Variants in EYA4 observed in about 807,000 individuals in gnomAD.
EYA4 encodes EYA transcriptional coactivator and phosphatase 4, also known as protein phosphatase EYA4.
In EYA4, 31 loss-of-function variants were observed where a neutral mutation model predicts 87.9. That is an observed-to-expected ratio of 0.35 (90% confidence interval 0.27 to 0.48). The LOEUF is 0.48. EYA4 is among the 20% of genes least tolerant of loss of function. The pLI is 0.99. For missense variants in EYA4, 678 were observed against 761.4 expected (o/e 0.89, Z 1.29); for synonymous variants, 263 against 270.6 (o/e 0.97, Z 0.28).
At chr6:133,460,336 C>T (rs1362060680) in intron 6 of EYA4, among the ~76,000 whole-genome samples, 1 of 149,162 alleles carries the variant, frequency 6.7e-6, no homozygotes, top group African/African-American at 2.6e-5. Context: ...AAACATCTGT[C>T]TTAGTCAAGG....
At chr6:133,402,151 A>G (rs888105666) in intron 3 of EYA4, among the ~76,000 whole-genome samples, 5 of 152,144 alleles carry the variant, frequency 3.3e-5, no homozygotes, top group African/African-American at 4.8e-5. Context: ...ATATGATTCT[A>G]GGGACACAGA....
At position 133,477,007 on chromosome 6, in the gene EYA4, C is replaced by T. The variant is rs181466473; in HGVS notation, c.971-4456C>T. On this transcript the variant is annotated intron_variant, in intron 11 of 19. Transcript: ENST00000355286. ...TCTCATGAAATCTGACAGTTTTATA[C>T]ATGTTTGGTAGTTCCTTCTGCTTTC... Among the ~76,000 whole-genome samples, 781 of 148,794 alleles carry T rather than the reference C, an allele frequency of 5.2e-3. 2 individuals are homozygous for T. Among genetic ancestry groups the T allele is most frequent in the Admixed American group, 0.01 (148 of 14,712 alleles).
intron 1 of EYA4, among the ~76,000 whole-genome samples, chr6:133,272,380 C>T (rs1366563840): frequency 1.3e-5 from 2 of 152,200 alleles, no homozygotes; most frequent in Admixed American, 1.3e-4. Flanking sequence ...CTTGTGCCTT[C>T]AGGACCTGCT....
At chr6:133,251,755 A>G (rs1774921239) in intron 1 of EYA4, among the ~76,000 whole-genome samples, 1 of 152,122 alleles carries the variant, frequency 6.6e-6, no homozygotes, top group Non-Finnish European at 1.5e-5. Context: ...TTGTCAGGTG[A>G]TCTCTGGGAG....
chr6:133,361,505 G>T (rs888086938), intron 2 of EYA4, among the ~76,000 whole-genome samples: 2 of 152,204 alleles, frequency 1.3e-5, no homozygotes, highest in Non-Finnish European at 2.9e-5. Context: ...GTCTCTGACC[G>T]AGAAGTCTTG....
Position 133,528,844 on chromosome 6 carries a change from A to T in EYA4, c.*39A>T. On this transcript the variant is annotated 3_prime_UTR_variant, in exon 20 of 20. Transcript: ENST00000355286. Reference sequence around the variant, plus strand: ...CCGGAGATCCATTTTTTATATTTCAAGTACACTGAATTTTTATGTGTGATT... The same window carrying T: ...CCGGAGATCCATTTTTTATATTTCATGTACACTGAATTTTTATGTGTGATT... The T allele has an allele frequency of 6.2e-7, 1 of 1,611,998 alleles. No individual in the cohort carries two copies. Among genetic ancestry groups the T allele is most frequent in the Admixed American group, 1.7e-5 (1 of 59,946 alleles).
At chr6:133,353,711 C>G (rs1272576814) in intron 2 of EYA4, among the ~76,000 whole-genome samples, 2 of 152,120 alleles carry the variant, frequency 1.3e-5, no homozygotes, top group African/African-American at 4.8e-5. Context: ...CCAAACACAT[C>G]CTCTTGAAAG....
intron 1 of EYA4, among the ~76,000 whole-genome samples, chr6:133,262,046 C>T (rs1410970073): frequency 6.6e-6 from 1 of 152,106 alleles, no homozygotes; most frequent in Non-Finnish European, 1.5e-5. Context: ...CTTACATTCC[C>T]TTTAGCAAAA....
At chr6:133,353,029 C>T (rs1469856962) in intron 2 of EYA4, among the ~76,000 whole-genome samples, 1 of 152,068 alleles carries the variant, frequency 6.6e-6, no homozygotes, top group Non-Finnish European at 1.5e-5. Flanking sequence ...TGAAAACAAG[C>T]ATATATTACA....
chr6:133,320,026 T>C (rs952545102), intron 2 of EYA4, among the ~76,000 whole-genome samples: 4 of 152,144 alleles, frequency 2.6e-5, no homozygotes, highest in African/African-American at 9.7e-5. Context: ...TTCATAATTT[T>C]AAAAATAGCT....
chr6:133,357,265 C>A, intron 2 of EYA4, among the ~76,000 whole-genome samples: 1 of 92,298 alleles, frequency 1.1e-5, no homozygotes, highest in Non-Finnish European at 1.8e-5. Context: ...AGCGAGACTC[C>A]GTCTCAAAAA....
At chr6:133,521,907 T>C (rs1435572376) in intron 17 of EYA4, among the ~76,000 whole-genome samples, 180 of 122,792 alleles carry the variant, frequency 1.5e-3, no homozygotes, top group South Asian at 3.1e-3. Context: ...TAGGTGGAAA[T>C]TGAACAATGA....
intron 2 of EYA4, among the ~76,000 whole-genome samples, chr6:133,376,043 G>C (rs924742930): frequency 6.6e-6 from 1 of 151,724 alleles, no homozygotes; most frequent in Non-Finnish European, 1.5e-5. Context: ...ACATCTTAGA[G>C]TATTCACATT....
rs553435306 is a variant in EYA4, at chr6:133,340,778, G to A, written c.34-41614G>A. 2.6e-5 allele frequency among the ~76,000 whole-genome samples: 4 copies of A among 152,272 alleles called. No individual in the cohort carries two copies. In the South Asian group the frequency reaches 8.3e-4, roughly 32 times the overall value. ...CCTTGCCTTTTGCTGTGAGTCATAT[G>A]GAAAGCCACTGGAGGATAAGATCAG... On this transcript the variant is annotated intron_variant, in intron 2 of 19. Coordinates refer to ENST00000355286, the MANE Select transcript of EYA4 (RefSeq NM_004100.5).
chr6:133,457,317 A>G (rs1314130713), intron 6 of EYA4, among the ~76,000 whole-genome samples: 1 of 152,186 alleles, frequency 6.6e-6, no homozygotes, highest in Non-Finnish European at 1.5e-5. Flanking sequence ...TTTAAGTTAC[A>G]ATATTTCTTC....
chr6:133,426,367 A>G (rs555459670), intron 3 of EYA4, among the ~76,000 whole-genome samples: 2 of 152,372 alleles, frequency 1.3e-5, no homozygotes, highest in South Asian at 4.1e-4. Flanking sequence ...TGTGACTGAA[A>G]TAATCTGATC....
chr6:133,509,499 A>AAAAG (rs2128770957), intron 14 of EYA4, among the ~76,000 whole-genome samples: 1 of 152,266 alleles, frequency 6.6e-6, no homozygotes, highest in African/African-American at 2.4e-5. Flanking sequence ...ATAATTCCTT[A>AAAAG]AAAGATACAA....
chr6:133,445,952 T>C (rs1583300333), intron 3 of EYA4, among the ~76,000 whole-genome samples: 2 of 152,310 alleles, frequency 1.3e-5, no homozygotes, highest in East Asian at 3.9e-4. Flanking sequence ...TGTAGCACAA[T>C]CTCTGGAGCA....
intron 10 of EYA4, among the ~76,000 whole-genome samples, chr6:133,467,804 A>G (rs1372504006): frequency 3.3e-5 from 5 of 151,904 alleles, no homozygotes; most frequent in African/African-American, 1.2e-4. Context: ...TTAAACACCA[A>G]TTATCACAAC....
Sources: allele counts gnomAD v4.1 joint callset (sites outside exome capture counted in the v4.1 genomes callset), GRCh38; gene constraint gnomAD v4.1.1; transcripts MANE v1.5; gene names NCBI Gene and HGNC (gene_info 2026-07-23, HGNC 2026-07-21).